Variants in SYNPR observed in about 807,000 individuals in gnomAD.
SYNPR encodes the protein synaptoporin.
SYNPR carries 23 observed loss-of-function variants against 32.9 expected under a neutral mutation model. That is an observed-to-expected ratio of 0.70 (90% confidence interval 0.50 to 0.99). SYNPR has a LOEUF of 0.99. SYNPR is among the 50% of genes least tolerant of loss of function. The pLI is 0.00. For synonymous variants in SYNPR, 146 were observed against 135.9 expected, an observed-to-expected ratio of 1.07 and a Z score of -0.52; for missense variants, 318 against 349.3, an observed-to-expected ratio of 0.91 and a Z score of 0.71.
At chr3:63,285,048 G>T (rs928670832) in intron 2 of SYNPR, among the ~76,000 whole-genome samples, 13 of 152,176 alleles carry the variant, frequency 8.5e-5, no homozygotes, top group African/African-American at 3.1e-4. Context: ...TTTTTCCAAT[G>T]TGGCAAGCAC....
chr3:63,266,837 T>TA (rs1210614677), intron 2 of SYNPR, among the ~76,000 whole-genome samples: 1 of 152,138 alleles, frequency 6.6e-6, no homozygotes, highest in African/African-American at 2.4e-5. Context: ...CGAGACCCAG[T>TA]AGCCATGGTG....
chr3:63,375,431 C>T (rs113766957), intron 2 of SYNPR, among the ~76,000 whole-genome samples: 1,922 of 151,998 alleles, frequency 0.013, 23 homozygotes, highest in African/African-American at 0.028. Context: ...GGGACATGGA[C>T]GAAGCTGGAA....
intron 2 of SYNPR, among the ~76,000 whole-genome samples, chr3:63,416,776 T>A (rs116453239): frequency 6.6e-6 from 1 of 150,540 alleles, no homozygotes; most frequent in Non-Finnish European, 1.5e-5. Flanking sequence ...TGCAGGAAAA[T>A]TCCCCCCTGT....
rs562227455 is a variant in SYNPR, at chr3:63,384,716, T to C, written c.85-96116T>C. Among the ~76,000 whole-genome samples, 304 of 152,332 alleles carry C rather than the reference T, an allele frequency of 2.0e-3. 2 individuals carry two copies. The highest frequency in any genetic ancestry group is 3.7e-3 in the Non-Finnish European group (250 of 68,024). ...ACATTTATGGAGCTCGTACTATGTG[T>C]GTGGGACTGTGTTAAATGCTGTACA... is the stretch of plus-strand genomic sequence containing the variant. On this transcript the variant is annotated intron_variant, in intron 2 of 5. Transcript: ENST00000478300.
intron 2 of SYNPR, among the ~76,000 whole-genome samples, chr3:63,261,294 T>G (rs1041145182): frequency 6.6e-6 from 1 of 151,804 alleles, no homozygotes; most frequent in Admixed American, 6.6e-5. Context: ...CTATTCACAA[T>G]AACAAAGAGT....
chr3:63,273,658 T>G (rs2086553934), upstream of SYNPR, among the ~76,000 whole-genome samples: 4 of 152,248 alleles, frequency 2.6e-5, no homozygotes, highest in Admixed American at 2.6e-4. Flanking sequence ...TTTTATAATT[T>G]AAGTTCACAT....
Position 63,616,308 on chromosome 3 carries a change from C to G in SYNPR, c.*827C>G, listed in dbSNP as rs551409012. ...TAACCTTCTATGGTGTTTTGTGGCTCTTATCTTGTGGACCATAAATAACAC... is the reference window on the plus strand; with the variant it reads ...TAACCTTCTATGGTGTTTTGTGGCTGTTATCTTGTGGACCATAAATAACAC... On this transcript the variant is annotated 3_prime_UTR_variant, in exon 6 of 6. Coordinates refer to ENST00000478300, the MANE Select transcript of SYNPR (RefSeq NM_001130003.2). The G allele has an allele frequency of 6.6e-6, 1 of 152,132 alleles. No individual in the cohort carries two copies. The highest frequency in any genetic ancestry group is 2.4e-5 in the African/African-American group (1 of 41,428). 9.4% of individuals were successfully genotyped at this position (152,132 alleles called of 1,614,324 possible).
chr3:63,334,169 TA>T (rs2087259877), intron 2 of SYNPR, among the ~76,000 whole-genome samples: 2 of 152,212 alleles, frequency 1.3e-5, no homozygotes, highest in South Asian at 4.1e-4. Flanking sequence ...GAATAGCTCT[TA>T]CATGTTTTTT....
rs138439059 is a variant in SYNPR, at chr3:63,318,804, G to C, written c.84+40062G>C. Among the ~76,000 whole-genome samples the C allele has an allele frequency of 6.2e-3, 941 of 152,112 alleles. 10 individuals are homozygous for C. The highest frequency in any genetic ancestry group is 0.021 in the African/African-American group (883 of 41,516). On this transcript the variant is annotated intron_variant, in intron 2 of 5. Coordinates refer to ENST00000478300, the MANE Select transcript of SYNPR (RefSeq NM_001130003.2). ...GTTTGGATCCATTGCTGGTGAACTA[G>C]TGTGATTTTTGAGGGGTGTTGAAGA...
chr3:63,470,932 G>T (rs1377706405), intron 2 of SYNPR, among the ~76,000 whole-genome samples: 1 of 152,180 alleles, frequency 6.6e-6, no homozygotes, highest in East Asian at 1.9e-4. Context: ...CCGTAGGTCA[G>T]ACTTTCTGTT....
At chr3:63,387,759 A>C (rs1463659864) in intron 2 of SYNPR, among the ~76,000 whole-genome samples, 1 of 152,118 alleles carries the variant, frequency 6.6e-6, no homozygotes, top group Non-Finnish European at 1.5e-5. Flanking sequence ...GAGGCTATTG[A>C]GGGTATTTGG....
At chr3:63,326,234 T>C (rs1389580373) in intron 2 of SYNPR, among the ~76,000 whole-genome samples, 2 of 152,010 alleles carry the variant, frequency 1.3e-5, no homozygotes, top group African/African-American at 4.8e-5. Flanking sequence ...ATGTTAAAGA[T>C]CCCATTGAAG....
At chr3:63,257,806 G>A (rs185406007) in intron 2 of SYNPR, among the ~76,000 whole-genome samples, 2,200 of 152,274 alleles carry the variant, frequency 0.014, 20 homozygotes, top group Non-Finnish European at 0.022. Context: ...CCATCAGTGT[G>A]CTGTATTCAG....
chr3:63,476,799 A>C (rs1433486867), intron 2 of SYNPR, among the ~76,000 whole-genome samples: 1 of 152,160 alleles, frequency 6.6e-6, no homozygotes, highest in African/African-American at 2.4e-5. Flanking sequence ...CGTGAAACAC[A>C]ATTTGAGATT....
intron 2 of SYNPR, among the ~76,000 whole-genome samples, chr3:63,463,380 C>A (rs1368859681): frequency 6.6e-6 from 1 of 151,980 alleles, no homozygotes; most frequent in East Asian, 1.9e-4. Flanking sequence ...TGGTAAATAT[C>A]CAAGAAAAGT....
intron 2 of SYNPR, among the ~76,000 whole-genome samples, chr3:63,408,328 GAA>G (rs1481432710): frequency 8.0e-6 from 1 of 125,764 alleles, no homozygotes; most frequent in Non-Finnish European, 1.6e-5. Context: ...AGGAAAGAAA[GAA>G]AGAAAGAAAG....
intron 2 of SYNPR, among the ~76,000 whole-genome samples, chr3:63,294,747 T>C (rs1347247345): frequency 6.6e-6 from 1 of 152,066 alleles, no homozygotes; most frequent in African/African-American, 2.4e-5. Flanking sequence ...TGCTATAACA[T>C]AAGTTTGCCA....
intron 2 of SYNPR, among the ~76,000 whole-genome samples, chr3:63,420,482 C>T (rs1256033002): frequency 6.6e-6 from 1 of 152,042 alleles, no homozygotes. Flanking sequence ...ATATGTAGAC[C>T]TGAGAAATTA....
At chr3:63,594,588 T>A (rs576603778) in intron 4 of SYNPR, among the ~76,000 whole-genome samples, 1 of 152,192 alleles carries the variant, frequency 6.6e-6, no homozygotes, top group East Asian at 1.9e-4. Context: ...TCAAACTGGG[T>A]TTAAGTAATT....
Sources: allele counts gnomAD v4.1 joint callset (sites outside exome capture counted in the v4.1 genomes callset), GRCh38; gene constraint gnomAD v4.1.1; transcripts MANE v1.5; gene names NCBI Gene and HGNC (gene_info 2026-07-23, HGNC 2026-07-21).